The following SP4 variants were observed in gnomAD, a reference collection of about 807,000 sequenced individuals.
The protein encoded by SP4 is Sp4 transcription factor.
In SP4, 19 loss-of-function variants were observed where a neutral mutation model predicts 72.8. That is an observed-to-expected ratio of 0.26 (90% CI 0.18 to 0.38). The LOEUF is 0.38. Ranked by LOEUF, SP4 falls within the 10% of genes least tolerant of loss-of-function variation. The probability of loss-of-function intolerance (pLI) is 1.00; values close to 1 mark genes in which losing one functional copy is unlikely to be tolerated. For synonymous variants in SP4, 395 were observed against 333.1 expected (o/e 1.19, Z -2.02); for missense variants, 1,008 against 926.3 (o/e 1.09, Z -1.14).
Position 21,430,492 on chromosome 7 carries a change from A to G in SP4, c.1327A>G (p.Asn443Asp). 1.2e-6 allele frequency: 2 copies of G among 1,614,136 alleles called. No individual in the cohort carries two copies. The highest frequency in any genetic ancestry group is 1.7e-6 in the Non-Finnish European group (2 of 1,180,018). ...IQTIQQQPLQ[N>D]VQLQAVNPTQ... ...GACCATCCAGCAGCAGCCTTTACAG[A>G]ATGTTCAACTTCAAGCAGTAAATCC... The change falls in exon 3 of 6, where the codon AAT becomes GAT. Residue 443 changes from asparagine (N) to aspartate (D), a missense_variant. This residue lies in a region of SP4 where 893 missense variants were observed against 743.3 expected (regional missense o/e 1.20). Transcript: ENST00000222584.
In SP4 at chr7:21,450,152, C is replaced by G. The variant is rs188996755; in HGVS notation, c.1678+19309C>G. Among the ~76,000 whole-genome samples, 14 of 152,066 alleles carry G rather than the reference C, an allele frequency of 9.2e-5. No individual in the cohort carries two copies. In the East Asian group the frequency reaches 2.7e-3, roughly 29 times the overall value. Reference sequence around the variant, plus strand: ...TGGCTTTTGCTGTTAGATTTGTAAGCTTGGAAACTTGCAGCAGCCTTTAAG... The same window carrying G: ...TGGCTTTTGCTGTTAGATTTGTAAGGTTGGAAACTTGCAGCAGCCTTTAAG... On this transcript the variant is annotated intron_variant, in intron 3 of 5. Transcript: ENST00000222584.
Position 21,428,251 on chromosome 7 carries a change from G to T in SP4, c.-1G>T. On this transcript the variant is annotated 5_prime_UTR_variant, in exon 1 of 6. Coordinates refer to ENST00000222584, the MANE Select transcript of SP4 (RefSeq NM_003112.5). The stretch of plus-strand genomic sequence containing the variant: ...CTGAGGGTTTGTCCTGTTAATGCGG[G>T]ATGAGCGGTACGTATTCTCCACCCC... 1.3e-6 allele frequency: 2 copies of T among 1,527,154 alleles called. No individual in the cohort carries two copies. Among genetic ancestry groups the T allele is most frequent in the Non-Finnish European group, 1.8e-6 (2 of 1,124,138 alleles). 94.6% of individuals were successfully genotyped at this position (1,527,154 alleles called of 1,614,324 possible).
At chr7:21,484,050 A>G (rs2128411704) in intron 5 of SP4, among the ~76,000 whole-genome samples, 1 of 152,032 alleles carries the variant, frequency 6.6e-6, no homozygotes, top group Non-Finnish European at 1.5e-5. Flanking sequence ...CATAGAAATT[A>G]GCTCCATTTT....
At chr7:21,459,601 C>T (rs1232946987) in intron 3 of SP4, among the ~76,000 whole-genome samples, 8 of 152,182 alleles carry the variant, frequency 5.3e-5, no homozygotes, top group African/African-American at 9.7e-5. Context: ...TCCCAAGAAT[C>T]GTTTGATGAT....
rs1271292481 is a variant in SP4, at chr7:21,430,842, A to C, written c.1677A>C (p.Ala559=). ...TTCCCGTTACAATCACTAGTGTTGC[A>C]GGTAAGTTCTGACATCTTTTTAAGT... ...QGVPVTITSV[A]GQQQGQDGVK... Residue 559 remains alanine, a splice_region_variant and synonymous_variant, in exon 3 of 6, where the codon GCA becomes GCC. Coordinates refer to ENST00000222584, the MANE Select transcript of SP4 (RefSeq NM_003112.5). The C allele has an allele frequency of 6.2e-7, 1 of 1,602,690 alleles. No homozygotes were observed. Among genetic ancestry groups the C allele is most frequent in the Non-Finnish European group, 8.5e-7 (1 of 1,172,350 alleles).
chr7:21,428,294 G>GCCTC (rs1782690717), intron 1 of SP4, 36 bp downstream of exon 1: 1 of 1,267,814 alleles, frequency 7.9e-7, no homozygotes, highest in Non-Finnish European at 1.1e-6. Context: ...CTCCTTCGCC[G>GCCTC]CCTCCCTCTC....
intron 4 of SP4, among the ~76,000 whole-genome samples, chr7:21,477,733 G>A (rs1784549593): frequency 6.6e-6 from 1 of 152,076 alleles, no homozygotes; most frequent in Non-Finnish European, 1.5e-5. Flanking sequence ...TAGAGGCGGG[G>A]TTTCACCATG....
intron 3 of SP4, among the ~76,000 whole-genome samples, chr7:21,439,671 C>T (rs188404291): frequency 6.2e-4 from 94 of 152,242 alleles, no homozygotes; most frequent in African/African-American, 2.0e-3. Context: ...AGGAGGATCA[C>T]GTGAGCCCAG....
In SP4 at chr7:21,511,141, A is replaced by G. The variant is rs761121551; in HGVS notation, c.2227A>G (p.Thr743Ala). 1 of 1,614,170 alleles carries G rather than the reference A, an allele frequency of 6.2e-7. No homozygotes were observed. Among genetic ancestry groups the G allele is most frequent in the East Asian group, 2.2e-5 (1 of 44,886 alleles). Residue 743 changes from threonine (T) to alanine (A), a missense_variant, in exon 6 of 6, where the codon ACC becomes GCC. By Grantham distance (58) the Thr-to-Ala change is moderately conservative. Transcript: ENST00000222584. The part of the protein sequence containing the change: ...KGGGTALAIV[T>A]SGELDSSVTE... ...TGGTGGGACAGCTCTTGCCATTGTTACCTCGGGAGAACTGGACTCATCTGT... is the reference window on the plus strand; with the variant it reads ...TGGTGGGACAGCTCTTGCCATTGTTGCCTCGGGAGAACTGGACTCATCTGT...
Position 21,512,089 on chromosome 7 carries a change from C to T in SP4, c.*820C>T, listed in dbSNP as rs1277642684. On this transcript the variant is annotated 3_prime_UTR_variant, in exon 6 of 6. Transcript: ENST00000222584. ...TTCTAAAGTTAGGATTGATTATATT[C>T]CTAACCCTAGGTTGAACCACAAAAT... 1.3e-5 allele frequency: 2 copies of T among 152,602 alleles called. No homozygotes were observed. The highest frequency in any genetic ancestry group is 6.5e-5 in the Admixed American group (1 of 15,286). 9.5% of individuals were successfully genotyped at this position (152,602 alleles called of 1,614,324 possible). A position where few individuals can be genotyped will look rare whatever the true frequency, so the allele number is the denominator to read the frequency against.
intron 3 of SP4, among the ~76,000 whole-genome samples, chr7:21,442,034 G>GTA (rs1446572364): frequency 3.5e-4 from 13 of 37,542 alleles, no homozygotes; most frequent in Admixed American, 1.4e-3. Flanking sequence ...GTGTGTGTGT[G>GTA]TGTATTTTTT....
At chr7:21,473,876 T>C (rs771746560) in intron 3 of SP4, among the ~76,000 whole-genome samples, 1 of 152,106 alleles carries the variant, frequency 6.6e-6, no homozygotes, top group Non-Finnish European at 1.5e-5. Flanking sequence ...GTCAATAGAA[T>C]TAAACTTAAG....
intron 5 of SP4, among the ~76,000 whole-genome samples, chr7:21,492,454 G>A (rs549463237): frequency 6.8e-4 from 103 of 152,202 alleles, no homozygotes; most frequent in African/African-American, 2.4e-3. Flanking sequence ...ATTGGAGTGT[G>A]TTGTTTTTCA....
At chr7:21,510,796 A>G (rs1242155023) in intron 5 of SP4, among the ~76,000 whole-genome samples, 2 of 152,232 alleles carry the variant, frequency 1.3e-5, no homozygotes, top group East Asian at 3.8e-4. Flanking sequence ...TTTTATTTCC[A>G]GTTCATAGCA....
intron 3 of SP4, among the ~76,000 whole-genome samples, chr7:21,472,274 ATTGTTTGTTTGT>A (rs141136006): frequency 1.3e-5 from 2 of 151,036 alleles, no homozygotes; most frequent in African/African-American, 4.9e-5. Flanking sequence ...ATTTTGTTTG[ATTGTTTGTTTGT>A]TTGTTTGTTT....
At chr7:21,487,673 T>C (rs1323531619) in intron 5 of SP4, among the ~76,000 whole-genome samples, 1 of 151,984 alleles carries the variant, frequency 6.6e-6, no homozygotes, top group East Asian at 1.9e-4. Flanking sequence ...ATGATTTTTT[T>C]GTCTGTATCT....
At chr7:21,507,177 G>C (rs1045347879) in intron 5 of SP4, among the ~76,000 whole-genome samples, 1 of 152,164 alleles carries the variant, frequency 6.6e-6, no homozygotes, top group African/African-American at 2.4e-5. Context: ...TCTTCTAGGA[G>C]TGGTTTCATT....
At chr7:21,455,253 G>T (rs1783726140) in intron 3 of SP4, among the ~76,000 whole-genome samples, 1 of 152,168 alleles carries the variant, frequency 6.6e-6, no homozygotes, top group African/African-American at 2.4e-5. Context: ...CAGTAGCCTG[G>T]CTTCCCACAC....
intron 5 of SP4, among the ~76,000 whole-genome samples, chr7:21,500,697 C>T (rs1325940795): frequency 6.6e-6 from 1 of 152,218 alleles, no homozygotes; most frequent in Non-Finnish European, 1.5e-5. Context: ...CCCCCTCCAG[C>T]AACAGCAGGG....
Sources: allele counts gnomAD v4.1 joint callset (sites outside exome capture counted in the v4.1 genomes callset), GRCh38; gene constraint gnomAD v4.1.1; regional missense constraint gnomAD v4.1.1; transcripts MANE v1.5; gene names NCBI Gene and HGNC (gene_info 2026-07-23, HGNC 2026-07-21).